Variants in ARFGEF3 observed in about 807,000 individuals in gnomAD.
ARFGEF3 encodes the protein ARFGEF family member 3.
Under a neutral mutation model 221.7 loss-of-function variants are expected in ARFGEF3, and 96 were observed. That is an observed-to-expected ratio of 0.43 (90% CI 0.37 to 0.51). The LOEUF is 0.51. Ranked by LOEUF, ARFGEF3 falls within the 20% of genes least tolerant of loss-of-function variation. The pLI is 0.00. For synonymous variants in ARFGEF3, 1,145 were observed against 1,126.8 expected (o/e 1.02, Z -0.32); for missense variants, 2,410 against 2,789.9 (o/e 0.86, Z 3.07).
In ARFGEF3 at chr6:138,336,349, C is replaced by G; in HGVS notation, c.6397C>G (p.Gln2133Glu). The change falls in exon 34 of 34, where the codon CAG (glutamine) becomes GAG (glutamate). Residue 2133 changes from glutamine to glutamate, a missense_variant. By Grantham distance (29) the Gln-to-Glu change is conservative. Transcript: ENST00000251691. Reference protein sequence around the residue: ...VLNQIQILPDQTFTALQPAVF... With the variant: ...VLNQIQILPDETFTALQPAVF... ...CAATCAGATTCAGATTCTCCCAGAC[C>G]AGACCTTCACGGCCCTCCAGCCCGC... The G allele has an allele frequency of 1.2e-6, 2 of 1,610,754 alleles. No individual in the cohort carries two copies. The highest frequency in any genetic ancestry group is 1.1e-5 in the South Asian group (1 of 90,196).
intron 24 of ARFGEF3, among the ~76,000 whole-genome samples, chr6:138,311,047 T>C (rs1779817835): frequency 6.6e-6 from 1 of 152,166 alleles, no homozygotes; most frequent in Admixed American, 6.5e-5. Flanking sequence ...GTCCCAGAAA[T>C]GTCATTTACC....
At chr6:138,328,979 A>G (rs1408420166) in intron 32 of ARFGEF3, among the ~76,000 whole-genome samples, 2 of 152,202 alleles carry the variant, frequency 1.3e-5, no homozygotes, top group East Asian at 1.9e-4. Flanking sequence ...CCTGGGCAAC[A>G]GAACAAAACC....
At chr6:138,310,074 G>A (rs915853435) in intron 24 of ARFGEF3, among the ~76,000 whole-genome samples, 1 of 152,190 alleles carries the variant, frequency 6.6e-6, no homozygotes, top group African/African-American at 2.4e-5. Flanking sequence ...GAATTCTAAA[G>A]TGGAATTATT....
chr6:138,198,792 A>G (rs1509683), intron 2 of ARFGEF3, among the ~76,000 whole-genome samples: 34,741 of 152,180 alleles, frequency 0.23, 5,598 homozygotes, highest in African/African-American at 0.44. Flanking sequence ...CGAAATAAGA[A>G]AGTTCACATT....
intron 18 of ARFGEF3, among the ~76,000 whole-genome samples, chr6:138,290,894 C>T (rs1779390730): frequency 6.6e-6 from 1 of 152,118 alleles, no homozygotes; most frequent in South Asian, 2.1e-4. Context: ...ATTATGAAGG[C>T]TGCTGACCTG....
Position 138,298,720 on chromosome 6 carries a change from G to T in ARFGEF3, c.3763G>T (p.Ala1255Ser), listed in dbSNP as rs1343673759. 1 of 1,613,444 alleles carries T rather than the reference G, an allele frequency of 6.2e-7. No individual in the cohort carries two copies. The highest frequency in any genetic ancestry group is 2.2e-5 in the East Asian group (1 of 44,892). The part of the protein sequence containing the change: ...NEPPHFHFNE[A>S]LFRPFERIMQ... ...GCCACCTCATTTTCACTTCAATGAA[G>T]CACTCTTCCGACCTTTCGAGCGCAT... Residue 1255 changes from alanine (A) to serine (S), a missense_variant, in exon 22 of 34, where the codon GCA (alanine) becomes TCA (serine). Around this residue, in one of 5 missense-constraint regions of ARFGEF3, gnomAD observed 723 missense variants for 991.9 expected, o/e 0.73. Coordinates refer to ENST00000251691, the MANE Select transcript of ARFGEF3 (RefSeq NM_020340.5).
At chr6:138,255,999 A>G (rs1778672404) in intron 10 of ARFGEF3, among the ~76,000 whole-genome samples, 1 of 152,104 alleles carries the variant, frequency 6.6e-6, no homozygotes, top group African/African-American at 2.4e-5. Flanking sequence ...TTGAGAATCG[A>G]GCTAGTGCTT....
intron 2 of ARFGEF3, among the ~76,000 whole-genome samples, chr6:138,175,307 G>A (rs1471118815): frequency 1.3e-5 from 2 of 152,184 alleles, no homozygotes; most frequent in Non-Finnish European, 2.9e-5. Context: ...TCTTGCTTTT[G>A]ATTTGGGGGT....
intron 14 of ARFGEF3, 96 bp from the exon 15 acceptor site, chr6:138,285,850 G>C: frequency 1.4e-6 from 1 of 713,608 alleles, no homozygotes. Context: ...AAAGATACAA[G>C]GGATATTTGT....
intron 1 of ARFGEF3, among the ~76,000 whole-genome samples, chr6:138,169,165 G>C (rs7745393): frequency 0.028 from 4,244 of 152,316 alleles, 88 homozygotes; most frequent in African/African-American, 0.057. Context: ...GGAGCTGGGA[G>C]TGGAACCTGG....
chr6:138,320,945 C>CGG (rs11331667), intron 28 of ARFGEF3, among the ~76,000 whole-genome samples, 166 bp from the exon 29 acceptor site: 1 of 151,372 alleles, frequency 6.6e-6, no homozygotes, highest in African/African-American at 2.4e-5. Flanking sequence ...TGGGTTTTGG[C>CGG]GGGGGGGGGC....
chr6:138,322,019 AT>A, intron 29 of ARFGEF3, among the ~76,000 whole-genome samples: 1 of 152,232 alleles, frequency 6.6e-6, no homozygotes, highest in Non-Finnish European at 1.5e-5. Flanking sequence ...GTACCCAGAC[AT>A]TTGGCCAAAC....
At chr6:138,271,678 G>C (rs551258112) in intron 12 of ARFGEF3, among the ~76,000 whole-genome samples, 1 of 152,196 alleles carries the variant, frequency 6.6e-6, no homozygotes, top group African/African-American at 2.4e-5. Context: ...TCATTACACT[G>C]CACAGTACCA....
intron 26 of ARFGEF3, among the ~76,000 whole-genome samples, chr6:138,314,488 T>C (rs1779884841): frequency 6.6e-6 from 1 of 152,168 alleles, no homozygotes; most frequent in African/African-American, 2.4e-5. Flanking sequence ...GCCATCCCAA[T>C]AGTCCCAAAG....
rs571563034 is a variant in ARFGEF3 at position 138,334,363 on chromosome 6, G to A, written c.5517G>A (p.Lys1839=). The A allele has an allele frequency of 6.2e-7, 1 of 1,613,790 alleles. No homozygotes were observed. The highest frequency in any genetic ancestry group is 1.3e-5 in the African/African-American group (1 of 75,028). Residue 1839 remains lysine, a synonymous_variant, in exon 33 of 34, where the codon AAG becomes AAA. Transcript: ENST00000251691. This position sits in a 1 kb window ranked among gnomAD's most constrained non-coding sequence, Gnocchi z 5.1. ...CCATCACGGCCGAGCAAGTGAAGAA[G>A]GTCCTTTTTGAGGACGACGAGAGAA... ...QETITAEQVK[K]VLFEDDERST...
At chr6:138,221,266 C>T (rs1366362869) in intron 4 of ARFGEF3, among the ~76,000 whole-genome samples, 1 of 152,152 alleles carries the variant, frequency 6.6e-6, no homozygotes, top group Non-Finnish European at 1.5e-5. Context: ...TTGGTCATTT[C>T]AAGCTAATGG....
chr6:138,272,759 G>A (rs893874020), intron 12 of ARFGEF3, among the ~76,000 whole-genome samples: 1 of 152,250 alleles, frequency 6.6e-6, no homozygotes, highest in Non-Finnish European at 1.5e-5. Context: ...AGCTGATAAT[G>A]CCCAGCGTTG....
At chr6:138,280,662 C>A (rs555642358) in intron 14 of ARFGEF3, among the ~76,000 whole-genome samples, 4 of 152,304 alleles carry the variant, frequency 2.6e-5, no homozygotes, top group African/African-American at 9.6e-5. Flanking sequence ...ACCAGCCTGG[C>A]CAACATGGCA....
intron 1 of ARFGEF3, among the ~76,000 whole-genome samples, chr6:138,168,132 G>A (rs992331871): frequency 3.3e-5 from 5 of 152,314 alleles, no homozygotes; most frequent in East Asian, 1.9e-4. Flanking sequence ...GGATAACATG[G>A]TGAGCAAAAC....
Sources: gnomAD v4.1 joint callset for allele counts (sites outside exome capture counted in the v4.1 genomes callset) on GRCh38, gnomAD v4.1.1 for gene constraint, gnomAD v4.1.1 regional missense constraint, Gnocchi (gnomAD v3.1) non-coding constraint, MANE v1.5 for transcripts, NCBI Gene and HGNC (gene_info 2026-07-23, HGNC 2026-07-21) for gene names.